Variants in PUM2 observed in about 807,000 individuals in gnomAD.
PUM2 encodes the protein pumilio RNA binding family member 2, also known as pumilio homolog 2.
Under a neutral mutation model 124.5 loss-of-function variants are expected in PUM2, and 57 were observed. That is an observed-to-expected ratio of 0.46 (90% CI 0.37 to 0.57). The LOEUF (loss-of-function observed/expected upper bound fraction) is 0.57, where lower values mean the gene tolerates loss of function less well. Ranked by LOEUF, PUM2 falls within the 20% of genes least tolerant of loss-of-function variation. PUM2 has a pLI of 0.00. For synonymous variants in PUM2, 460 were observed against 446.1 expected, an observed-to-expected ratio of 1.03 and a Z score of -0.39; for missense variants, 1,065 against 1,290.6, an observed-to-expected ratio of 0.83 and a Z score of 2.68.
At chr2:20,254,718 A>C in intron 19 of PUM2, 145 bp downstream of exon 19, 1 of 806,156 alleles carries the variant, frequency 1.2e-6, no homozygotes, top group South Asian at 2.8e-5. Context: ...AAAAAACAAA[A>C]GCAATGTTCT....
intron 19 of PUM2, among the ~76,000 whole-genome samples, chr2:20,254,482 G>A (rs886856189): frequency 1.3e-5 from 2 of 152,000 alleles, no homozygotes; most frequent in East Asian, 1.9e-4. Flanking sequence ...ACAGAAATTG[G>A]TATCTTGGAA....
intron 2 of PUM2, among the ~76,000 whole-genome samples, chr2:20,319,747 CT>C (rs1681857860): frequency 6.6e-6 from 1 of 152,126 alleles, no homozygotes; most frequent in African/African-American, 2.4e-5. Context: ...AAAGTTCATG[CT>C]AGCAAAGCTA....
chr2:20,330,527 T>C (rs1684690922), intron 1 of PUM2, among the ~76,000 whole-genome samples: 1 of 152,214 alleles, frequency 6.6e-6, no homozygotes, highest in African/African-American at 2.4e-5. Flanking sequence ...CCAAAAGATC[T>C]GAGTTCTGGG....
At chr2:20,344,363 C>A (rs1467846970) in intron 1 of PUM2, among the ~76,000 whole-genome samples, 2 of 152,214 alleles carry the variant, frequency 1.3e-5, no homozygotes, top group African/African-American at 4.8e-5. Flanking sequence ...GTCTTTCTTA[C>A]AGTCAGTTCC....
intron 12 of PUM2, among the ~76,000 whole-genome samples, chr2:20,281,901 G>C (rs1671616407): frequency 1.3e-5 from 2 of 152,170 alleles, no homozygotes; most frequent in African/African-American, 2.4e-5. Context: ...TAAAAGTTCA[G>C]AAGACACTCC....
chr2:20,303,135 C>CT (rs1677392658), intron 7 of PUM2, among the ~76,000 whole-genome samples: 1 of 152,106 alleles, frequency 6.6e-6, no homozygotes, highest in Non-Finnish European at 1.5e-5. Context: ...AGCTGGATTC[C>CT]TGTCTCCTTG....
intron 1 of PUM2, among the ~76,000 whole-genome samples, chr2:20,329,819 G>T (rs187045871): frequency 2.4e-4 from 36 of 152,224 alleles, no homozygotes; most frequent in African/African-American, 7.7e-4. Flanking sequence ...TTACAAGAAT[G>T]ACCTAATGTG....
intron 8 of PUM2, among the ~76,000 whole-genome samples, chr2:20,297,172 A>G (rs536688514): frequency 2.0e-5 from 3 of 152,082 alleles, no homozygotes; most frequent in Non-Finnish European, 2.9e-5. Context: ...ATCTTACTCT[A>G]TTCTACCCCT....
chr2:20,263,782 A>G (rs532700796), intron 13 of PUM2, among the ~76,000 whole-genome samples: 1 of 152,326 alleles, frequency 6.6e-6, no homozygotes, highest in African/African-American at 2.4e-5. Flanking sequence ...CAAAATTTTC[A>G]GTTACATTAA....
intron 1 of PUM2, among the ~76,000 whole-genome samples, chr2:20,338,999 A>G (rs970175773): frequency 2.6e-5 from 4 of 152,228 alleles, no homozygotes; most frequent in Non-Finnish European, 5.9e-5. Flanking sequence ...ACACTTACAT[A>G]GTTCTTATAG....
intron 9 of PUM2, among the ~76,000 whole-genome samples, chr2:20,293,309 A>G (rs1674685963): frequency 6.6e-6 from 1 of 152,252 alleles, no homozygotes; most frequent in Admixed American, 6.5e-5. Flanking sequence ...ATGTGACATT[A>G]CATTTGTCCA....
chr2:20,274,011 T>C (rs1669610092), intron 13 of PUM2, among the ~76,000 whole-genome samples: 1 of 152,162 alleles, frequency 6.6e-6, no homozygotes, highest in African/African-American at 2.4e-5. Context: ...AATTGTTCAG[T>C]TCCTATAGAA....
At chr2:20,281,119 G>GA (rs60284225) in intron 12 of PUM2, among the ~76,000 whole-genome samples, 1 of 152,182 alleles carries the variant, frequency 6.6e-6, no homozygotes, top group East Asian at 1.9e-4. Flanking sequence ...TATAGCACTT[G>GA]AAAAAACTCC....
intron 10 of PUM2, among the ~76,000 whole-genome samples, chr2:20,284,678 A>G (rs897101220): frequency 1.3e-5 from 2 of 152,206 alleles, no homozygotes; most frequent in African/African-American, 4.8e-5. Context: ...ACATTCCAAC[A>G]TCAATTTTTA....
chr2:20,272,115 C>A (rs1406624188), intron 13 of PUM2, among the ~76,000 whole-genome samples: 1 of 152,002 alleles, frequency 6.6e-6, no homozygotes, highest in Non-Finnish European at 1.5e-5. Flanking sequence ...TGAAATCGCA[C>A]CATTGCACTC....
intron 12 of PUM2, among the ~76,000 whole-genome samples, chr2:20,282,586 G>A (rs879303423): frequency 2.0e-5 from 3 of 151,970 alleles, no homozygotes; most frequent in Non-Finnish European, 2.9e-5. Context: ...AATTTAAGAC[G>A]GCAAAATATT....
intron 1 of PUM2, among the ~76,000 whole-genome samples, chr2:20,333,624 T>G (rs1685381155): frequency 6.6e-6 from 1 of 152,084 alleles, no homozygotes; most frequent in Non-Finnish European, 1.5e-5. Flanking sequence ...TTAAAAGTAT[T>G]TGTTTTGGCT....
chr2:20,302,771 G>T (rs747502373), intron 7 of PUM2, among the ~76,000 whole-genome samples: 6 of 152,182 alleles, frequency 3.9e-5, no homozygotes, highest in African/African-American at 1.2e-4. Context: ...GATATGAAAA[G>T]AAAGAATTTG....
Position 20,251,531 on chromosome 2 carries a change from CAA to C in PUM2, c.*52_*53del. ...GAGTTGTGTTTTGATAATTCACACA[CAA>C]AAAAATTCTTTTCACATGGTTAAAT... On this transcript the variant is annotated 3_prime_UTR_variant, in exon 21 of 21. Transcript: ENST00000361078. 6.5e-7 allele frequency: 1 copy of C among 1,534,724 alleles called. No individual in the cohort carries two copies. Among genetic ancestry groups the C allele is most frequent in the African/African-American group, 1.4e-5 (1 of 72,640 alleles).
Sources: gnomAD v4.1 joint callset for allele counts (sites outside exome capture counted in the v4.1 genomes callset) on GRCh38, gnomAD v4.1.1 for gene constraint, MANE v1.5 for transcripts, NCBI Gene and HGNC (gene_info 2026-07-23, HGNC 2026-07-21) for gene names.